COG1: variants seen among roughly 807,000 people sequenced by gnomAD.
COG1 encodes the protein component of oligomeric golgi complex 1.
A neutral mutation model predicts 102.2 loss-of-function variants in COG1; 61 were observed. That is an observed-to-expected ratio of 0.60 (90% confidence interval 0.49 to 0.74). The LOEUF (loss-of-function observed/expected upper bound fraction) is 0.74, where lower values mean the gene tolerates loss of function less well. Among genes scored for constraint, COG1 ranks in the 30% least tolerant of loss-of-function variants. COG1 has a pLI of 0.00. For synonymous variants in COG1, 454 were observed against 493.6 expected (o/e 0.92, Z 1.06); for missense variants, 1,164 against 1,232.1 (o/e 0.94, Z 0.83).
At position 73,196,588 on chromosome 17, in the gene COG1, A is replaced by T; in HGVS notation, c.397A>T (p.Ser133Cys). 1 of 1,614,178 alleles carries T rather than the reference A, an allele frequency of 6.2e-7. No individual in the cohort carries two copies. Among genetic ancestry groups the T allele is most frequent in the Non-Finnish European group, 8.5e-7 (1 of 1,180,040 alleles). The stretch of plus-strand genomic sequence containing the variant: ...CTTAGAAATTCCGGAGAAGATCTGG[A>T]GCTCGATGGAAGCCTCTCAGTGTCT... ...LLLEIPEKIW[S>C]SMEASQCLHA... The change falls in exon 2 of 14, where the codon AGC becomes TGC. Residue 133 changes from serine (S) to cysteine (C), a missense_variant. By Grantham distance (112) the Ser-to-Cys change is moderately radical. Coordinates refer to ENST00000299886, the MANE Select transcript of COG1 (RefSeq NM_018714.3).
At chr17:73,194,152 A>ATTTTTTTTTTTTTTTTTTTTTT (rs1257232460) in intron 1 of COG1, among the ~76,000 whole-genome samples, 21 of 147,452 alleles carry the variant, frequency 1.4e-4, no homozygotes, top group South Asian at 2.4e-4. Flanking sequence ...TTCCTAAAGA[A>ATTTTTTTTTTTTTTTTTTTTTT]TTTTTATTGG....
chr17:73,202,118 G>A (rs1359763718), intron 7 of COG1, among the ~76,000 whole-genome samples: 1 of 152,050 alleles, frequency 6.6e-6, no homozygotes, highest in Non-Finnish European at 1.5e-5. Context: ...TGGGCAGATC[G>A]CGAGGTCAGG....
intron 7 of COG1, 56 bp from the exon 8 acceptor site, chr17:73,202,938 TTTTAAA>T: frequency 6.3e-7 from 1 of 1,581,058 alleles, no homozygotes; most frequent in Non-Finnish European, 8.7e-7. Flanking sequence ...ACACAGATTG[TTTTAAA>T]GAAACTCTAC....
chr17:73,203,204 G>C, intron 8 of COG1, 58 bp downstream of exon 8: 1 of 1,594,088 alleles, frequency 6.3e-7, no homozygotes, highest in Non-Finnish European at 8.6e-7. Context: ...AAAGAAGAAA[G>C]ATTTTAGAAA....
At chr17:73,203,908 GC>G in intron 9 of COG1, 115 bp downstream of exon 9, 2 of 1,205,712 alleles carry the variant, frequency 1.7e-6, no homozygotes, top group Non-Finnish European at 2.4e-6. Flanking sequence ...GGATCACCCA[GC>G]CCAGGCATCG....
In COG1 at chr17:73,197,319, G is replaced by A. The variant is rs1450679538; in HGVS notation, c.836G>A (p.Gly279Glu). The A allele has an allele frequency of 6.2e-7, 1 of 1,614,234 alleles. No homozygotes were observed. The highest frequency in any genetic ancestry group is 2.2e-5 in the East Asian group (1 of 44,892). Residue 279 changes from glycine to glutamate, a missense_variant, in exon 4 of 14, where the codon GGA (glycine) becomes GAA (glutamate). Transcript: ENST00000299886. ...GCCCTTTTCTACACTTTGCCAGAAG[G>A]ACTGCTGCCAGATCCAGCCCTGCCA... is the stretch of plus-strand genomic sequence containing the variant. ...AHALFYTLPE[G>E]LLPDPALPCG...
At chr17:73,207,739 G>T in intron 13 of COG1, 1 of 1,291,618 alleles carries the variant, frequency 7.7e-7, no homozygotes. Flanking sequence ...AATCCTCCTG[G>T]GTATTTCTGA....
At chr17:73,207,874 C>A in intron 13 of COG1, 2 of 1,197,416 alleles carry the variant, frequency 1.7e-6, no homozygotes, top group Non-Finnish European at 2.1e-6. Flanking sequence ...TACCATCGAA[C>A]CCATTAAGAT....
At chr17:73,201,044 G>C (rs1294484574) in intron 6 of COG1, 65 bp from the exon 7 acceptor site, 2 of 1,416,046 alleles carry the variant, frequency 1.4e-6, no homozygotes, top group Non-Finnish European at 9.9e-7. Context: ...TTACCATTTG[G>C]TACTTTTGTT....
At chr17:73,203,878 T>C in intron 9 of COG1, 85 bp downstream of exon 9, 1 of 1,467,024 alleles carries the variant, frequency 6.8e-7, no homozygotes, top group Non-Finnish European at 9.5e-7. Flanking sequence ...GCAGTTCACA[T>C]CAAAGACTCA....
intron 9 of COG1, 150 bp downstream of exon 9, chr17:73,203,943 T>G: frequency 1.2e-6 from 1 of 845,006 alleles, no homozygotes; most frequent in Non-Finnish European, 1.9e-6. Context: ...TGCTCTATCT[T>G]AGGAGTAGCA....
chr17:73,201,769 G>T lies in COG1; in HGVS notation c.1942G>T (p.Ala648Ser). The change falls in exon 7 of 14, where the codon GCT (alanine) becomes TCT (serine). Residue 648 changes from alanine (A) to serine (S), a missense_variant. Coordinates refer to ENST00000299886, the MANE Select transcript of COG1 (RefSeq NM_018714.3). ...SSEKPAREFR[A>S]LRKQGKVKTQ... is the part of the protein sequence containing the mutation. ...AGAGAAACCAGCAAGGGAGTTTAGG[G>T]CTCTGAGAAAACAGGGAAAGGTGAA... The T allele has an allele frequency of 1.2e-6, 2 of 1,614,172 alleles. No individual in the cohort carries two copies. The highest frequency in any genetic ancestry group is 2.2e-5 in the East Asian group (1 of 44,876).
rs758809140 is a variant in COG1 at position 73,206,691 on chromosome 17, C to T, written c.2620-17C>T. On this transcript the variant is annotated splice_polypyrimidine_tract_variant and intron_variant, in intron 11 of 13. Coordinates refer to ENST00000299886, the MANE Select transcript of COG1 (RefSeq NM_018714.3). ...TACCTGCACAATGAAACCTCTGCTC[C>T]ACCTCTTGTCTGCCAGGTTCTGTTT... 5.8e-6 allele frequency: 9 copies of T among 1,557,074 alleles called. No homozygotes were observed. Among genetic ancestry groups the T allele is most frequent in the Non-Finnish European group, 6.2e-6 (7 of 1,129,808 alleles).
At chr17:73,207,903 A>T in intron 13 of COG1, 1 of 1,184,274 alleles carries the variant, frequency 8.4e-7, no homozygotes, top group Non-Finnish European at 1.1e-6. Context: ...CTTGTCAAGT[A>T]TCTGGCTTTA....
intron 1 of COG1, among the ~76,000 whole-genome samples, chr17:73,195,465 G>T (rs750908968): frequency 4.6e-5 from 7 of 152,056 alleles, no homozygotes; most frequent in Non-Finnish European, 1.0e-4. Context: ...ATACCAAAAA[G>T]TGAGCGGGCA....
At chr17:73,197,498 C>A in intron 4 of COG1, 102 bp downstream of exon 4, 1 of 1,271,992 alleles carries the variant, frequency 7.9e-7, no homozygotes, top group Non-Finnish European at 1.1e-6. Context: ...GGGGATGGAG[C>A]AGTGAACTGG....
Position 73,201,560 on chromosome 17 carries a change from T to C in COG1, c.1733T>C (p.Ile578Thr). 1 of 1,614,234 alleles carries C rather than the reference T, an allele frequency of 6.2e-7. No homozygotes were observed. Among genetic ancestry groups the C allele is most frequent in the Non-Finnish European group, 8.5e-7 (1 of 1,180,044 alleles). Residue 578 changes from isoleucine to threonine, a missense_variant, in exon 7 of 14, where the codon ATC becomes ACC. Transcript: ENST00000299886. Reference sequence around the variant, plus strand: ...CTGCGGACTCAGTCCGTGGCATGCATCAAGCACATCGTGGACTGCATCCGG... The same window carrying C: ...CTGCGGACTCAGTCCGTGGCATGCACCAAGCACATCGTGGACTGCATCCGG... ...EMLRTQSVAC[I>T]KHIVDCIRAE...
At chr17:73,205,889 CCT>C (rs1328296339) in intron 10 of COG1, 3 of 722,814 alleles carry the variant, frequency 4.2e-6, no homozygotes, top group African/African-American at 1.7e-5. Flanking sequence ...CTCTTATTCC[CCT>C]CTCTTCTGAG....
At chr17:73,204,136 C>A (rs1163131445) in intron 9 of COG1, among the ~76,000 whole-genome samples, 3 of 152,162 alleles carry the variant, frequency 2.0e-5, no homozygotes, top group Non-Finnish European at 4.4e-5. Context: ...TGCACTCCAG[C>A]CTGGGCGACA....
Sources: allele counts gnomAD v4.1 joint callset (sites outside exome capture counted in the v4.1 genomes callset), GRCh38; gene constraint gnomAD v4.1.1; transcripts MANE v1.5; gene names NCBI Gene and HGNC (gene_info 2026-07-23, HGNC 2026-07-21).